Variants in SPAG16 observed in about 807,000 individuals in gnomAD.
SPAG16 encodes sperm-associated antigen 16 protein.
SPAG16 carries 86 observed loss-of-function variants against 80.4 expected under a neutral mutation model. That is an observed-to-expected ratio of 1.07 (90% CI 0.90 to 1.28). The LOEUF (loss-of-function observed/expected upper bound fraction) is 1.28. Ranked by LOEUF, SPAG16 falls within the 50% of genes most tolerant of loss-of-function variation. SPAG16 has a pLI of 0.00. For missense variants in SPAG16, 870 were observed against 765.3 expected (o/e 1.14, Z -1.61); for synonymous variants, 294 against 265.9 (o/e 1.11, Z -1.03).
At chr2:214,224,154 C>A (rs962712479) in intron 15 of SPAG16, among the ~76,000 whole-genome samples, 2 of 152,154 alleles carry the variant, frequency 1.3e-5, no homozygotes, top group African/African-American at 4.8e-5. Context: ...CAATGGAAAA[C>A]CATTCAAACA....
At chr2:213,700,920 G>T (rs1574858376) in intron 10 of SPAG16, among the ~76,000 whole-genome samples, 1 of 152,186 alleles carries the variant, frequency 6.6e-6, no homozygotes, top group Admixed American at 6.5e-5. Context: ...GCTGAGGTTG[G>T]CAGATAACTT....
chr2:213,284,596 C>G lies in SPAG16; in HGVS notation c.113C>G (p.Ala38Gly), dbSNP rs369687196. The change falls in exon 1 of 16, where the codon GCT becomes GGT. Residue 38 changes from alanine to glycine, a missense_variant. Physicochemically the swap from Ala to Gly is moderately conservative, Grantham distance 60. Coordinates refer to ENST00000331683, the MANE Select transcript of SPAG16 (RefSeq NM_024532.5). ...AGGGACACGGCGGACGCGGTGGCGG[C>G]TGAGGGCGCCTACTACCTGGAACGT... is the stretch of plus-strand genomic sequence containing the variant. ...DARDTADAVAAEGAYYLEQVT... is the reference protein window; with the variant it reads ...DARDTADAVAGEGAYYLEQVT... The G allele has an allele frequency of 1.5e-5, 24 of 1,609,246 alleles. No homozygotes were observed. In the African/African-American group the frequency reaches 3.2e-4, roughly 21 times the overall value.
intron 15 of SPAG16, among the ~76,000 whole-genome samples, chr2:214,219,671 T>C (rs2058515482): frequency 6.6e-6 from 1 of 152,144 alleles, no homozygotes; most frequent in African/African-American, 2.4e-5. Context: ...GAACTAGATA[T>C]TGTATGTCAT....
chr2:214,192,421 G>T (rs1365778565), intron 15 of SPAG16, among the ~76,000 whole-genome samples: 1 of 151,742 alleles, frequency 6.6e-6, no homozygotes, highest in Non-Finnish European at 1.5e-5. Flanking sequence ...CTATTTCTTA[G>T]AAAAAAATGG....
chr2:214,114,015 A>G (rs567640116), intron 14 of SPAG16, among the ~76,000 whole-genome samples: 5 of 152,088 alleles, frequency 3.3e-5, no homozygotes, highest in Admixed American at 1.3e-4. Flanking sequence ...TTTGGTGTAG[A>G]TGTCCTTTTT....
chr2:213,350,581 A>C lies in SPAG16; in HGVS notation c.698A>C (p.Lys233Thr), dbSNP rs139437287. The C allele has an allele frequency of 6.2e-7, 1 of 1,602,966 alleles. No homozygotes were observed. Among genetic ancestry groups the C allele is most frequent in the African/African-American group, 1.3e-5 (1 of 74,284 alleles). Reference protein sequence around the residue: ...YEPTIRVLHEKHHTLLKEKML... With the variant: ...YEPTIRVLHETHHTLLKEKML... ...CCGACTATAAGGGTGTTACATGAGAAACACCACACTTTACTGAAGGAGAAA... is the reference window on the plus strand; with the variant it reads ...CCGACTATAAGGGTGTTACATGAGACACACCACACTTTACTGAAGGAGAAA... The change falls in exon 7 of 16, where the codon AAA becomes ACA. Residue 233 changes from lysine to threonine, a missense_variant. Transcript: ENST00000331683.
At chr2:213,932,191 TA>T (rs2078789041) in intron 12 of SPAG16, among the ~76,000 whole-genome samples, 3 of 111,054 alleles carry the variant, frequency 2.7e-5, no homozygotes, top group African/African-American at 1.0e-4. Context: ...TATATATATA[TA>T]TATATATTTG....
intron 10 of SPAG16, among the ~76,000 whole-genome samples, chr2:213,771,826 A>G (rs573831802): frequency 6.6e-6 from 1 of 152,310 alleles, no homozygotes; most frequent in South Asian, 2.1e-4. Flanking sequence ...TTTTGGTACC[A>G]GTACCATGCT....
chr2:213,792,467 G>A (rs950324233), intron 10 of SPAG16, among the ~76,000 whole-genome samples: 3 of 151,116 alleles, frequency 2.0e-5, no homozygotes, highest in Non-Finnish European at 4.4e-5. Context: ...AATTTCCCCA[G>A]TCTGAAATGA....
chr2:214,410,273 C>T lies in SPAG16; in HGVS notation c.1854C>T (p.Leu618=), dbSNP rs12988372. Residue 618 remains leucine (L), a synonymous_variant, in exon 16 of 16, where the codon CTC becomes CTT. Coordinates refer to ENST00000331683, the MANE Select transcript of SPAG16 (RefSeq NM_024532.5). The part of the protein sequence containing the change: ...TVVFSHDGEI[L]FSGGSDGTVR... ...TGTTTTCTCACGACGGGGAGATTCT[C>T]TTTTCTGGAGGCTCTGACGGCACAG... is the stretch of plus-strand genomic sequence containing the variant. 6.2e-7 allele frequency: 1 copy of T among 1,610,184 alleles called. No homozygotes were observed. Among genetic ancestry groups the T allele is most frequent in the Non-Finnish European group, 8.5e-7 (1 of 1,176,652 alleles).
At chr2:213,610,489 C>G (rs2125014840) in intron 10 of SPAG16, among the ~76,000 whole-genome samples, 1 of 152,310 alleles carries the variant, frequency 6.6e-6, no homozygotes, top group African/African-American at 2.4e-5. Context: ...CCTGTTCTCC[C>G]CATCCCATAA....
chr2:213,992,446 T>G (rs1007357814), intron 12 of SPAG16, among the ~76,000 whole-genome samples: 9 of 144,790 alleles, frequency 6.2e-5, no homozygotes, highest in Non-Finnish European at 1.2e-4. Flanking sequence ...GAAAAACACA[T>G]TTTTTGATAT....
chr2:213,531,080 C>A (rs1455473544), intron 10 of SPAG16, among the ~76,000 whole-genome samples: 2 of 151,580 alleles, frequency 1.3e-5, no homozygotes, highest in African/African-American at 4.8e-5. Flanking sequence ...ACTTGTTGAC[C>A]TTTTGTTGTC....
At chr2:213,340,714 G>A (rs775625994) in intron 6 of SPAG16, among the ~76,000 whole-genome samples, 24 of 152,116 alleles carry the variant, frequency 1.6e-4, no homozygotes, top group Non-Finnish European at 3.4e-4. Context: ...AAGTGCAGCT[G>A]TGGTATTGCA....
intron 10 of SPAG16, among the ~76,000 whole-genome samples, chr2:213,598,626 G>T (rs1334360716): frequency 6.6e-6 from 1 of 152,126 alleles, no homozygotes; most frequent in Admixed American, 6.5e-5. Flanking sequence ...TGTTTTCTCT[G>T]TTGTCTCTAT....
At chr2:213,717,159 T>C (rs942331696) in intron 10 of SPAG16, among the ~76,000 whole-genome samples, 5 of 150,450 alleles carry the variant, frequency 3.3e-5, no homozygotes, top group South Asian at 4.2e-4. Flanking sequence ...ACTTTTCATT[T>C]TTTTTTTTTT....
intron 15 of SPAG16, among the ~76,000 whole-genome samples, chr2:214,381,293 T>A (rs1250908568): frequency 6.6e-6 from 1 of 152,188 alleles, no homozygotes; most frequent in East Asian, 1.9e-4. Context: ...TCAAATCAGA[T>A]CCTTGATCAA....
At chr2:214,372,990 G>A (rs1368623341) in intron 15 of SPAG16, among the ~76,000 whole-genome samples, 1 of 152,140 alleles carries the variant, frequency 6.6e-6, no homozygotes, top group Non-Finnish European at 1.5e-5. Context: ...GTATTCACAA[G>A]GGAAGGAAAA....
chr2:213,630,041 A>G (rs113627040), intron 10 of SPAG16, among the ~76,000 whole-genome samples: 2,962 of 152,256 alleles, frequency 0.019, 44 homozygotes, highest in Middle Eastern at 0.051. Context: ...TGTTCCCATC[A>G]TCCATATAAC....
Sources: allele counts gnomAD v4.1 joint callset (sites outside exome capture counted in the v4.1 genomes callset), GRCh38; gene constraint gnomAD v4.1.1; transcripts MANE v1.5; gene names NCBI Gene and HGNC (gene_info 2026-07-23, HGNC 2026-07-21).